DCAF1: variants seen among roughly 807,000 people sequenced by gnomAD.
DCAF1 encodes the protein DDB1- and CUL4-associated factor 1.
A neutral mutation model predicts 128.0 loss-of-function variants in DCAF1; 15 were observed. The observed-to-expected ratio is 0.12, with a 90% CI of 0.08 to 0.18. The LOEUF is 0.18. Among genes scored for constraint, DCAF1 ranks in the 10% least tolerant of loss-of-function variants. The probability of loss-of-function intolerance (pLI) is 1.00; values close to 1 mark genes in which losing one functional copy is unlikely to be tolerated. For missense variants in DCAF1, 988 were observed against 1,649.5 expected, an observed-to-expected ratio of 0.60 and a Z score of 6.95; for synonymous variants, 610 against 603.0, an observed-to-expected ratio of 1.01 and a Z score of -0.17.
chr3:51,457,181 T>A (rs1473258598), intron 6 of DCAF1, among the ~76,000 whole-genome samples: 1 of 151,788 alleles, frequency 6.6e-6, no homozygotes, highest in Non-Finnish European at 1.5e-5. Context: ...ATTAGACAAA[T>A]GGATAACTAG....
Position 51,460,637 on chromosome 3 carries a change from A to G in DCAF1, c.375+2477T>C, listed in dbSNP as rs568236651. On this transcript the variant is annotated intron_variant, in intron 6 of 24. Transcript: ENST00000684031. ...AAGCCAAAAGAACAAAGCTGGAGGC[A>G]TCACGCTACCTGACTTCAAACTATA... Among the ~76,000 whole-genome samples the G allele has an allele frequency of 3.7e-4, 56 of 151,906 alleles. 1 individual carries two copies. In the South Asian group the frequency reaches 9.9e-3, roughly 27 times the overall value.
chr3:51,441,822 T>C lies in DCAF1; in HGVS notation c.589A>G (p.Ser197Gly). 7 of 1,613,750 alleles carry C rather than the reference T, an allele frequency of 4.3e-6. No homozygotes were observed. Among genetic ancestry groups the C allele is most frequent in the Non-Finnish European group, 5.9e-6 (7 of 1,179,878 alleles). Residue 197 changes from serine (S) to glycine (G), a missense_variant, in exon 8 of 25, where the codon AGT (serine) becomes GGT (glycine). Ser to Gly is a moderately conservative substitution (Grantham distance 56). Around this residue, in one of 11 missense-constraint regions of DCAF1, gnomAD observed 210 missense variants for 260.2 expected, o/e 0.81. Transcript: ENST00000684031. ...VALRQENKRP[S>G]PRKLSSEPLL... ...GGTTCAGAAGAGAGCTTCCGTGGAC[T>C]GGGACGCTTGTTTTCCTGCCGCAAA...
At chr3:51,445,482 T>G (rs1332621703) in intron 6 of DCAF1, among the ~76,000 whole-genome samples, 11 of 152,324 alleles carry the variant, frequency 7.2e-5, no homozygotes, top group African/African-American at 2.6e-4. Flanking sequence ...GCAGGTACTA[T>G]ATTTGCAGAT....
intron 2 of DCAF1, among the ~76,000 whole-genome samples, chr3:51,484,918 T>C (rs1706747730): frequency 6.7e-6 from 1 of 148,666 alleles, no homozygotes; most frequent in Non-Finnish European, 1.5e-5. Flanking sequence ...CCGTTTTTTG[T>C]TTTGTTTTTT....
chr3:51,499,163 G>C (rs373980173), intron 1 of DCAF1, among the ~76,000 whole-genome samples: 1 of 152,242 alleles, frequency 6.6e-6, no homozygotes, highest in African/African-American at 2.4e-5. Context: ...TCTAAGAAGT[G>C]AAGTTGTTAA....
chr3:51,486,230 C>T lies in DCAF1; in HGVS notation c.-8-2394G>A, dbSNP rs529570575. Among the ~76,000 whole-genome samples, 125 of 149,546 alleles carry T rather than the reference C, an allele frequency of 8.4e-4. 1 individual carries two copies. Among genetic ancestry groups the T allele is most frequent in the Admixed American group, 3.6e-3 (54 of 14,858 alleles). On this transcript the variant is annotated intron_variant, in intron 2 of 24. Coordinates refer to ENST00000684031, the MANE Select transcript of DCAF1 (RefSeq NM_001387579.1). ...TTTTTTTTTTAAGGATCTCACTCTG[C>T]CTCCCAGGCTTGAGTGCAGTAGCGC... is the stretch of plus-strand genomic sequence containing the variant.
At chr3:51,402,074 C>T (rs1049587910) in intron 24 of DCAF1, among the ~76,000 whole-genome samples, 2 of 151,880 alleles carry the variant, frequency 1.3e-5, no homozygotes, top group Non-Finnish European at 2.9e-5. Context: ...GGATTCATTA[C>T]CATAGTCAGG....
intron 6 of DCAF1, among the ~76,000 whole-genome samples, chr3:51,461,319 C>T (rs1553644446): frequency 1.3e-5 from 2 of 152,058 alleles, no homozygotes; most frequent in African/African-American, 4.8e-5. Context: ...AAATGCTCAC[C>T]ATCACTGGCC....
At chr3:51,395,956 G>A, downstream of DCAF1, 1 of 413,478 alleles carries the variant, frequency 2.4e-6, no homozygotes, top group Non-Finnish European at 4.4e-6. Flanking sequence ...CAAGTCAGTT[G>A]GGTACAGCAG....
At chr3:51,447,633 C>G (rs772679245) in intron 6 of DCAF1, among the ~76,000 whole-genome samples, 94 of 152,130 alleles carry the variant, frequency 6.2e-4, no homozygotes, top group Non-Finnish European at 1.1e-3. Context: ...TCTTCCTAAA[C>G]TGTTTCTTTT....
chr3:51,495,632 C>T (rs1553660469), intron 2 of DCAF1, among the ~76,000 whole-genome samples: 1 of 152,178 alleles, frequency 6.6e-6, no homozygotes. Flanking sequence ...GTGGCTCACA[C>T]CTGTAATCCC....
At chr3:51,407,307 G>C (rs1021730971) in intron 23 of DCAF1, among the ~76,000 whole-genome samples, 3 of 151,958 alleles carry the variant, frequency 2.0e-5, no homozygotes, top group Non-Finnish European at 4.4e-5. Context: ...GTTCACTTTA[G>C]GGTCATAAAT....
chr3:51,429,939 A>G, intron 11 of DCAF1, 94 bp downstream of exon 11: 1 of 671,740 alleles, frequency 1.5e-6, no homozygotes, highest in Non-Finnish European at 2.7e-6. Context: ...TCCTCTAATC[A>G]GAAGCTTCCT....
At chr3:51,406,703 A>G (rs532070215) in intron 23 of DCAF1, among the ~76,000 whole-genome samples, 32 of 152,292 alleles carry the variant, frequency 2.1e-4, no homozygotes, top group African/African-American at 6.7e-4. Context: ...ACCTGGCTTC[A>G]GCCCTGGTCT....
At chr3:51,412,336 A>C (rs782414969) in intron 23 of DCAF1, 43 bp downstream of exon 23, 8 of 1,612,494 alleles carry the variant, frequency 5.0e-6, no homozygotes, top group African/African-American at 4.0e-5. Flanking sequence ...CATAACCTCT[A>C]TTAAGCACTG....
chr3:51,439,979 G>A (rs888982484), intron 9 of DCAF1, among the ~76,000 whole-genome samples: 2 of 151,108 alleles, frequency 1.3e-5, no homozygotes, highest in Admixed American at 6.6e-5. Context: ...GCAACAGAGC[G>A]AGACTCCATC....
At chr3:51,409,335 G>C (rs1698189782) in intron 23 of DCAF1, among the ~76,000 whole-genome samples, 1 of 151,992 alleles carries the variant, frequency 6.6e-6, no homozygotes, top group Non-Finnish European at 1.5e-5. Flanking sequence ...CAAGAATAAG[G>C]CGAACCCAGA....
intron 20 of DCAF1, among the ~76,000 whole-genome samples, chr3:51,413,674 T>A (rs1246329607): frequency 3.3e-5 from 5 of 152,308 alleles, no homozygotes; most frequent in South Asian, 2.1e-4. Context: ...ATGCAAAAGC[T>A]CTTAAGTTCA....
chr3:51,422,169 A>C, intron 14 of DCAF1, 138 bp downstream of exon 14: 1 of 605,544 alleles, frequency 1.7e-6, no homozygotes. Context: ...ACTCCTTATA[A>C]AGGACAGACA....
Sources: gnomAD v4.1 joint callset for allele counts (sites outside exome capture counted in the v4.1 genomes callset) on GRCh38, gnomAD v4.1.1 for gene constraint, gnomAD v4.1.1 regional missense constraint, MANE v1.5 for transcripts, NCBI Gene and HGNC (gene_info 2026-07-23, HGNC 2026-07-21) for gene names.